STAB1: variants seen among roughly 807,000 people sequenced by gnomAD.
STAB1 encodes stabilin 1, also known as stabilin-1.
STAB1 carries 250 observed loss-of-function variants against 332.4 expected under a neutral mutation model. The observed-to-expected ratio is 0.75, with a 90% CI of 0.68 to 0.84. The LOEUF is 0.84. Among genes scored for constraint, STAB1 ranks in the 40% least tolerant of loss-of-function variants. STAB1 has a pLI of 0.00. For synonymous variants in STAB1, 1,475 were observed against 1,390.4 expected, an observed-to-expected ratio of 1.06 and a Z score of -1.35; for missense variants, 3,249 against 3,489.7, an observed-to-expected ratio of 0.93 and a Z score of 1.74.
At chr3:52,519,176 C>T (rs1276352736) in intron 48 of STAB1, 88 bp from the exon 49 acceptor site, 9 of 1,531,878 alleles carry the variant, frequency 5.9e-6, no homozygotes, top group Non-Finnish European at 7.9e-6. Flanking sequence ...CCTGACTTGC[C>T]CAACCCAGGT....
chr3:52,510,245 C>T lies in STAB1; in HGVS notation c.2628+10C>T. ...AGGCTGCTCAGAGAATGTCAGTCCC[C>T]TTGCTCCTTCCCTGAAGTTCTGACC... is the stretch of plus-strand genomic sequence containing the variant. On this transcript the variant is annotated intron_variant, in intron 24 of 68. Transcript: ENST00000321725. The T allele has an allele frequency of 6.2e-7, 1 of 1,614,026 alleles. No individual in the cohort carries two copies. Among genetic ancestry groups the T allele is most frequent in the Non-Finnish European group, 8.5e-7 (1 of 1,180,008 alleles).
At position 52,508,090 on chromosome 3, in the gene STAB1, C is replaced by T. The variant is rs564126198; in HGVS notation, c.2148+64C>T. The T allele has an allele frequency of 1.9e-6, 3 of 1,540,752 alleles. No individual in the cohort carries two copies. The African/African-American group carries it at 4.1e-5, about 21-fold the overall frequency. On this transcript the variant is annotated intron_variant, in intron 20 of 68. Coordinates refer to ENST00000321725, the MANE Select transcript of STAB1 (RefSeq NM_015136.3). Reference sequence around the variant, plus strand: ...GGCACCTGCTGTTCCTCGGGGGCCCCCAAGCTGGGGCTGAGTGGGCTCCCT... The same window carrying T: ...GGCACCTGCTGTTCCTCGGGGGCCCTCAAGCTGGGGCTGAGTGGGCTCCCT...
At position 52,512,604 on chromosome 3, in the gene STAB1, G is replaced by C. The variant is rs958492116; in HGVS notation, c.2988G>C (p.Glu996Asp). 6.2e-7 allele frequency: 1 copy of C among 1,613,896 alleles called. No homozygotes were observed. The highest frequency in any genetic ancestry group is 8.5e-7 in the Non-Finnish European group (1 of 1,180,022). ...SCYGDIFREL[E>D]ANAHFSIFYQ... ...CTTTTCCCTTCCCTTAGGAGCTGGAGGCAAATGCCCACTTCTCCATCTTCT... is the reference window on the plus strand; with the variant it reads ...CTTTTCCCTTCCCTTAGGAGCTGGACGCAAATGCCCACTTCTCCATCTTCT... Residue 996 changes from glutamate to aspartate, a missense_variant, in exon 28 of 69, where the codon GAG (glutamate) becomes GAC (aspartate). Physicochemically the swap from Glu to Asp is conservative, Grantham distance 45. Coordinates refer to ENST00000321725, the MANE Select transcript of STAB1 (RefSeq NM_015136.3).
chr3:52,520,952 C>G lies in STAB1; in HGVS notation c.5855C>G (p.Thr1952Ser). Residue 1952 changes from threonine to serine, a missense_variant, in exon 55 of 69, where the codon ACC (threonine) becomes AGC (serine). Thr to Ser is a moderately conservative substitution (Grantham distance 58, BLOSUM62 1). Coordinates refer to ENST00000321725, the MANE Select transcript of STAB1 (RefSeq NM_015136.3). ...AGGGGCTGCCACCGCAATTGTGTCA[C>G]CACCACCTGGAAGCCCAGCTGCTGC... ...LGRGCHRNCV[T>S]TTWKPSCCPG... The G allele has an allele frequency of 6.3e-7, 1 of 1,583,738 alleles. No individual in the cohort carries two copies. Among genetic ancestry groups the G allele is most frequent in the South Asian group, 1.2e-5 (1 of 86,514 alleles).
rs201275556 is a variant in STAB1 at position 52,502,168 on chromosome 3, C to G, written c.427C>G (p.Arg143Gly). The G allele has an allele frequency of 3.9e-5, 63 of 1,613,458 alleles. No individual in the cohort carries two copies. The Middle Eastern group carries it at 9.9e-4, about 25-fold the overall frequency. The change falls in exon 5 of 69, where the codon CGC becomes GGC. Residue 143 changes from arginine (R) to glycine (G), a missense_variant. By Grantham distance (125) the Arg-to-Gly change is moderately radical. Coordinates refer to ENST00000321725, the MANE Select transcript of STAB1 (RefSeq NM_015136.3). ...NGTCVCQENF[R>G]GSACQECQDP... Reference sequence around the variant, plus strand: ...GTGCATCCACCACCAGGAAAACTTCCGCGGCTCAGCCTGCCAGGAGTGCCA... The same window carrying G: ...GTGCATCCACCACCAGGAAAACTTCGGCGGCTCAGCCTGCCAGGAGTGCCA...
intron 41 of STAB1, 69 bp downstream of exon 41, chr3:52,516,837 C>T (rs1228521683): frequency 6.3e-7 from 1 of 1,594,136 alleles, no homozygotes; most frequent in Non-Finnish European, 8.5e-7. Context: ...GAGCCCCCTT[C>T]ACTTCCTCTA....
At chr3:52,508,959 C>T (rs1168795703) in intron 21 of STAB1, among the ~76,000 whole-genome samples, 1 of 152,140 alleles carries the variant, frequency 6.6e-6, no homozygotes, top group African/African-American at 2.4e-5. Context: ...TACTTTAGCA[C>T]CTGGCTATAG....
intron 17 of STAB1, among the ~76,000 whole-genome samples, chr3:52,506,455 A>G (rs904534442): frequency 3.9e-5 from 6 of 152,234 alleles, no homozygotes; most frequent in African/African-American, 1.4e-4. Context: ...AAAAAGGAGC[A>G]TGGAGCACAC....
chr3:52,522,001 A>C (rs745843776), intron 58 of STAB1, 36 bp from the exon 59 acceptor site: 88 of 1,610,008 alleles, frequency 5.5e-5, no homozygotes, highest in Non-Finnish European at 7.2e-5. Flanking sequence ...ACTCCCCTGC[A>C]GTCACTAGGT....
rs2079022835 is a variant in STAB1 at position 52,520,109 on chromosome 3, C to T, written c.5401C>T (p.Arg1801Cys). Residue 1801 changes from arginine to cysteine, a missense_variant, in exon 51 of 69, where the codon CGC becomes TGC. Physicochemically the swap from Arg to Cys is radical, Grantham distance 180 (BLOSUM62 -3). Coordinates refer to ENST00000321725, the MANE Select transcript of STAB1 (RefSeq NM_015136.3). ...LAAILRGHMI[R>C]NVEALASDLP... Reference sequence around the variant, plus strand: ...AGCCATTCTGCGGGGCCACATGATTCGCAATGTCGAGGTGGGTGCAGCCCC... The same window carrying T: ...AGCCATTCTGCGGGGCCACATGATTTGCAATGTCGAGGTGGGTGCAGCCCC... The T allele has an allele frequency of 6.8e-6, 11 of 1,609,874 alleles. No homozygotes were observed. Among genetic ancestry groups the T allele is most frequent in the African/African-American group, 1.3e-5 (1 of 74,988 alleles).
In STAB1 at chr3:52,505,787, C is replaced by T; in HGVS notation, c.1695+6C>T. ...TGATCTACCTCTTCACAGCGGTAAGCTCAGCGGGAGAAGGGGCTGCGGGTA... is the reference window on the plus strand; with the variant it reads ...TGATCTACCTCTTCACAGCGGTAAGTTCAGCGGGAGAAGGGGCTGCGGGTA... On this transcript the variant is annotated splice_donor_region_variant and intron_variant, in intron 15 of 68. Coordinates refer to ENST00000321725, the MANE Select transcript of STAB1 (RefSeq NM_015136.3). The T allele has an allele frequency of 6.2e-7, 1 of 1,613,854 alleles. No homozygotes were observed. The highest frequency in any genetic ancestry group is 1.6e-4 in the Middle Eastern group (1 of 6,062).
Position 52,521,118 on chromosome 3 carries a change from G to A in STAB1, c.5908+113G>A, listed in dbSNP as rs968705605. On this transcript the variant is annotated intron_variant, in intron 55 of 68. Transcript: ENST00000321725. ...GGGGCGTCCAGGGCTGGGGAGCTCT[G>A]GGTGGTGAGTAGATTTTACTAGCGG... 60 of 1,329,984 alleles carry A rather than the reference G, an allele frequency of 4.5e-5. No homozygotes were observed. In the South Asian group the frequency reaches 6.5e-4, roughly 15 times the overall value. The allele number at this position is 1,329,984 out of a possible 1,614,324, so 82.4% of individuals were successfully genotyped here.
intron 21 of STAB1, 151 bp downstream of exon 21, chr3:52,508,510 T>C: frequency 1.3e-6 from 1 of 743,436 alleles, no homozygotes; most frequent in Non-Finnish European, 2.3e-6. Context: ...TCAAATTATT[T>C]CTCATATTTT....
Position 52,522,873 on chromosome 3 carries a change from C to T in STAB1, c.6843C>T (p.Gly2281=), listed in dbSNP as rs760337734. The change falls in exon 62 of 69, where the codon GGC becomes GGT. Residue 2281 remains glycine, a synonymous_variant. Coordinates refer to ENST00000321725, the MANE Select transcript of STAB1 (RefSeq NM_015136.3). ...CGGACTGTGGCAATGGTCGGGTGGG[C>T]ATAGTCAGCCTGGGTGCCCGCAAGA... ...PVADCGNGRV[G]IVSLGARKNL... 8 of 1,613,314 alleles carry T rather than the reference C, an allele frequency of 5.0e-6. No homozygotes were observed. The highest frequency in any genetic ancestry group is 1.1e-5 in the South Asian group (1 of 91,078).
chr3:52,502,779 C>G, intron 6 of STAB1, 52 bp downstream of exon 6: 1 of 1,565,554 alleles, frequency 6.4e-7, no homozygotes, highest in Non-Finnish European at 8.7e-7. Context: ...GTGGCCAGAG[C>G]AAAAGAGGCC....
intron 1 of STAB1, among the ~76,000 whole-genome samples, chr3:52,499,972 C>T (rs1272262202): frequency 6.6e-6 from 1 of 150,536 alleles, no homozygotes. Context: ...ACTCGGGAGG[C>T]TGAGGCAGGA....
chr3:52,512,993 TCCTTGAGGGAC>T, intron 29 of STAB1, 35 bp downstream of exon 29: 10 of 1,599,108 alleles, frequency 6.3e-6, no homozygotes, highest in Non-Finnish European at 8.5e-6. Flanking sequence ...GGGAGGGGCT[TCCTTGAGGGAC>T]CCAGTCCCTC....
chr3:52,503,380 T>C lies in STAB1; in HGVS notation c.731T>C (p.Leu244Pro). Reference protein sequence around the residue: ...NPCWPSPCSLLAQCSVSPKGQ... With the variant: ...NPCWPSPCSLPAQCSVSPKGQ... Reference sequence around the variant, plus strand: ...TGCTGGCCATCACCCTGCTCACTGCTGGCCCAGTGCTCGGTGAGCCCCAAG... The same window carrying C: ...TGCTGGCCATCACCCTGCTCACTGCCGGCCCAGTGCTCGGTGAGCCCCAAG... Residue 244 changes from leucine (L) to proline (P), a missense_variant, in exon 8 of 69, where the codon CTG (leucine) becomes CCG (proline). Coordinates refer to ENST00000321725, the MANE Select transcript of STAB1 (RefSeq NM_015136.3). 6.2e-7 allele frequency: 1 copy of C among 1,613,496 alleles called. No individual in the cohort carries two copies. The highest frequency in any genetic ancestry group is 8.5e-7 in the Non-Finnish European group (1 of 1,179,986).
chr3:52,500,508 A>G (rs1002970303), intron 1 of STAB1, among the ~76,000 whole-genome samples: 1 of 152,228 alleles, frequency 6.6e-6, no homozygotes, highest in Non-Finnish European at 1.5e-5. Flanking sequence ...CAGCGGAGAA[A>G]GCCCTTGCGC....
Sources: allele counts gnomAD v4.1 joint callset (sites outside exome capture counted in the v4.1 genomes callset), GRCh38; gene constraint gnomAD v4.1.1; transcripts MANE v1.5; gene names NCBI Gene and HGNC (gene_info 2026-07-23, HGNC 2026-07-21).